TMEM38B: variants seen among roughly 807,000 people sequenced by gnomAD.
TMEM38B encodes trimeric intracellular cation channel type B.
Under a neutral mutation model 28.7 loss-of-function variants are expected in TMEM38B, and 24 were observed. The ratio of observed to expected loss-of-function variants is 0.84; its 90% CI spans 0.61 to 1.18. The LOEUF is 1.18. TMEM38B is among the 50% of genes most tolerant of loss of function. The probability of loss-of-function intolerance (pLI) is 0.00; values close to 1 mark genes in which losing one functional copy is unlikely to be tolerated. For synonymous variants in TMEM38B, 131 were observed against 127.7 expected (o/e 1.03, Z -0.17); for missense variants, 380 against 350.9 (o/e 1.08, Z -0.66).
intron 2 of TMEM38B, among the ~76,000 whole-genome samples, chr9:105,711,003 T>A (rs1198005574): frequency 6.6e-6 from 1 of 152,210 alleles, no homozygotes; most frequent in East Asian, 1.9e-4. Context: ...GGTGATTTTT[T>A]TAAATGCAAA....
At chr9:105,773,807 C>G (rs1826637142) in intron 5 of TMEM38B, 58 bp from the exon 6 acceptor site, 1 of 1,524,232 alleles carries the variant, frequency 6.6e-7, no homozygotes. Flanking sequence ...TTGTTTCTCT[C>G]TCTTGAGAAA....
At chr9:105,752,011 T>C (rs1438881595) in intron 5 of TMEM38B, among the ~76,000 whole-genome samples, 1 of 151,604 alleles carries the variant, frequency 6.6e-6, no homozygotes, top group Admixed American at 6.6e-5. Flanking sequence ...CTTTGGAGAA[T>C]ACAAATGTTA....
At chr9:105,704,024 T>C (rs1290442622) in intron 1 of TMEM38B, among the ~76,000 whole-genome samples, 5 of 149,726 alleles carry the variant, frequency 3.3e-5, no homozygotes, top group Non-Finnish European at 7.4e-5. Context: ...TAGGTGGGAA[T>C]TGAACAATGA....
chr9:105,722,653 A>T (rs766482870), intron 4 of TMEM38B, 32 bp downstream of exon 4: 1 of 1,552,680 alleles, frequency 6.4e-7, no homozygotes. Flanking sequence ...TGAGACCTAG[A>T]TGTTTATCCT....
intron 4 of TMEM38B, among the ~76,000 whole-genome samples, chr9:105,745,767 A>G (rs1327104000): frequency 6.6e-6 from 1 of 151,738 alleles, no homozygotes; most frequent in Non-Finnish European, 1.5e-5. Flanking sequence ...TTTTTGTATA[A>G]TTACAAAAAT....
intron 1 of TMEM38B, among the ~76,000 whole-genome samples, chr9:105,702,149 A>C (rs1257513751): frequency 6.6e-6 from 1 of 152,234 alleles, no homozygotes. Context: ...TCTGTTGCTT[A>C]CGTGATTATT....
chr9:105,694,647 G>T lies in TMEM38B; in HGVS notation c.-14G>T, dbSNP rs573853244. On this transcript the variant is annotated 5_prime_UTR_variant, in exon 1 of 6. Coordinates refer to ENST00000374692, the MANE Select transcript of TMEM38B (RefSeq NM_018112.3). ...TAGCCGCGGCTGCTTCGGTTGCCGC[G>T]GTCGGTGGTCGTTATGGATTCTCCA... 1 of 1,609,064 alleles carries T rather than the reference G, an allele frequency of 6.2e-7. No homozygotes were observed. Among genetic ancestry groups the T allele is most frequent in the African/African-American group, 1.3e-5 (1 of 74,890 alleles).
chr9:105,776,131 G>C lies in TMEM38B; in HGVS notation c.*2051G>C, dbSNP rs1319710243. 3 of 152,020 alleles carry C rather than the reference G, an allele frequency of 2.0e-5. No homozygotes were observed. The highest frequency in any genetic ancestry group is 4.4e-5 in the Non-Finnish European group (3 of 68,016). 9.4% of individuals were successfully genotyped at this position (152,020 alleles called of 1,614,324 possible). On this transcript the variant is annotated 3_prime_UTR_variant, in exon 6 of 6. Transcript: ENST00000374692. ...ATGTGAAGTGTGAATAAGGCCTATAGGCCTGCCTCACACAGCTAATCAGAG... is the reference window on the plus strand; with the variant it reads ...ATGTGAAGTGTGAATAAGGCCTATACGCCTGCCTCACACAGCTAATCAGAG...
chr9:105,752,342 C>T lies in TMEM38B; in HGVS notation c.660+4152C>T, dbSNP rs541019410. Among the ~76,000 whole-genome samples, 76 of 152,282 alleles carry T rather than the reference C, an allele frequency of 5.0e-4. 1 individual carries two copies. Among genetic ancestry groups the T allele is most frequent in the Non-Finnish European group, 6.9e-4 (47 of 68,016 alleles). ...AAAGCAGCCAGACTGCTTTTTTAAG[C>T]GGGTCCCTGATCCTGTTCCTCCTGA... On this transcript the variant is annotated intron_variant, in intron 5 of 5. Transcript: ENST00000374692.
At chr9:105,703,534 A>G (rs1277868505) in intron 1 of TMEM38B, among the ~76,000 whole-genome samples, 2 of 152,220 alleles carry the variant, frequency 1.3e-5, no homozygotes, top group Non-Finnish European at 2.9e-5. Flanking sequence ...TTATAGCTGC[A>G]TGATTTATAG....
intron 4 of TMEM38B, among the ~76,000 whole-genome samples, chr9:105,732,133 C>T (rs1391495469): frequency 6.6e-6 from 1 of 152,110 alleles, no homozygotes; most frequent in Non-Finnish European, 1.5e-5. Context: ...TCATATCCTT[C>T]ACCCACTTTT....
At chr9:105,756,756 T>G (rs1837846275) in intron 5 of TMEM38B, among the ~76,000 whole-genome samples, 1 of 152,144 alleles carries the variant, frequency 6.6e-6, no homozygotes, top group Non-Finnish European at 1.5e-5. Flanking sequence ...GTTGAACATC[T>G]CTTATAATAT....
chr9:105,708,430 G>A (rs1186268070), intron 2 of TMEM38B, among the ~76,000 whole-genome samples: 2 of 152,128 alleles, frequency 1.3e-5, no homozygotes, highest in Non-Finnish European at 2.9e-5. Context: ...GGAGAATCCT[G>A]AAACCAGTCC....
At chr9:105,767,483 C>G (rs1475226861) in intron 5 of TMEM38B, among the ~76,000 whole-genome samples, 1 of 152,100 alleles carries the variant, frequency 6.6e-6, no homozygotes, top group Non-Finnish European at 1.5e-5. Context: ...GGAAAAAACG[C>G]CTTCTGGAAT....
At chr9:105,755,604 G>A (rs1220618630) in intron 5 of TMEM38B, among the ~76,000 whole-genome samples, 1 of 152,152 alleles carries the variant, frequency 6.6e-6, no homozygotes, top group Admixed American at 6.5e-5. Flanking sequence ...AAAGAAGCCA[G>A]CTCTTATTTT....
At chr9:105,731,756 G>A (rs1836758152) in intron 4 of TMEM38B, among the ~76,000 whole-genome samples, 1 of 152,082 alleles carries the variant, frequency 6.6e-6, no homozygotes, top group Admixed American at 6.6e-5. Context: ...GATTAGTGCA[G>A]CAATAAACAT....
At chr9:105,721,102 A>G (rs1368531273) in intron 2 of TMEM38B, among the ~76,000 whole-genome samples, 1 of 152,156 alleles carries the variant, frequency 6.6e-6, no homozygotes, top group Non-Finnish European at 1.5e-5. Context: ...TTGAGATTGA[A>G]ATGTAGCCCT....
At chr9:105,747,992 T>A (rs1837490168) in intron 4 of TMEM38B, 81 bp from the exon 5 acceptor site, 4 of 876,654 alleles carry the variant, frequency 4.6e-6, no homozygotes, top group Non-Finnish European at 7.5e-6. Context: ...ATTAAGTTAA[T>A]GTTTTGCAGT....
rs964439368 is a variant in TMEM38B, at chr9:105,694,583, C to T, written c.-78C>T. 46 of 1,182,410 alleles carry T rather than the reference C, an allele frequency of 3.9e-5. No individual in the cohort carries two copies. Among genetic ancestry groups the T allele is most frequent in the Non-Finnish European group, 4.8e-5 (39 of 810,922 alleles). The allele number at this position is 1,182,410 out of a possible 1,614,324, so 73.2% of individuals were successfully genotyped here. The stretch of plus-strand genomic sequence containing the variant: ...GGAGGAGCGGGCGGCCGCGGCTGTG[C>T]CCTCTCCTACTCCTCACCGCGCGAG... On this transcript the variant is annotated 5_prime_UTR_variant, in exon 1 of 6. Coordinates refer to ENST00000374692, the MANE Select transcript of TMEM38B (RefSeq NM_018112.3).
Sources: allele counts gnomAD v4.1 joint callset (sites outside exome capture counted in the v4.1 genomes callset), GRCh38; gene constraint gnomAD v4.1.1; transcripts MANE v1.5; gene names NCBI Gene and HGNC (gene_info 2026-07-23, HGNC 2026-07-21).